Variants in UNC13C observed in about 807,000 individuals in gnomAD.
UNC13C encodes the protein protein unc-13 homolog C.
A neutral mutation model predicts 245.4 loss-of-function variants in UNC13C; 174 were observed. The observed-to-expected ratio is 0.71, with a 90% CI of 0.63 to 0.80. UNC13C has a LOEUF of 0.80. Among genes scored for constraint, UNC13C ranks in the 30% least tolerant of loss-of-function variants. UNC13C has a pLI of 0.00. For synonymous variants in UNC13C, 992 were observed against 895.1 expected, an observed-to-expected ratio of 1.11 and a Z score of -1.93; for missense variants, 2,829 against 2,602.9, an observed-to-expected ratio of 1.09 and a Z score of -1.89.
At chr15:53,983,426 A>G (rs1246672272) in intron 1 of UNC13C, among the ~76,000 whole-genome samples, 3 of 151,990 alleles carry the variant, frequency 2.0e-5, no homozygotes, top group Admixed American at 6.6e-5. Context: ...TTTCCTTGTC[A>G]CTTTCAAAGA....
At chr15:54,300,066 A>G in intron 12 of UNC13C, 144 bp from the exon 13 acceptor site, 1 of 738,590 alleles carries the variant, frequency 1.4e-6, no homozygotes, top group Non-Finnish European at 2.1e-6. Context: ...TAGAATAAAA[A>G]TTCAAGATAT....
intron 1 of UNC13C, among the ~76,000 whole-genome samples, chr15:54,006,728 TTG>T (rs1437687730): frequency 1.3e-5 from 2 of 152,258 alleles, no homozygotes; most frequent in African/African-American, 4.8e-5. Context: ...ATCATCTGCC[TTG>T]TCCCAACTTG....
At chr15:53,938,101 G>A in the UNC13C span, among the ~76,000 whole-genome samples, 5 of 152,104 alleles carry the variant, frequency 3.3e-5, no homozygotes, top group Non-Finnish European at 5.9e-5. Context: ...GCTGGATTAA[G>A]AGCCAAGACC....
rs189572601 is a variant in UNC13C at position 54,257,250 on chromosome 15, A to C, written c.3448+6806A>C. ...GTTTCTTCTCTTTCCTTGCTTAGTA[A>C]AAATATTTTGAAAATTGAGCACATT... On this transcript the variant is annotated intron_variant, in intron 8 of 32. Transcript: ENST00000260323. 1.9e-3 allele frequency among the ~76,000 whole-genome samples: 288 copies of C among 152,310 alleles called. 1 individual carries two copies. Among genetic ancestry groups the C allele is most frequent in the Middle Eastern group, 6.8e-3 (2 of 294 alleles).
intron 30 of UNC13C, among the ~76,000 whole-genome samples, chr15:54,620,785 CA>C (rs34567553): frequency 0.6 from 81,006 of 134,846 alleles, 23,204 homozygotes; most frequent in East Asian, 0.68. Flanking sequence ...GACCCTGTCT[CA>C]AAAAAAAAAA....
rs536658108 is a variant in UNC13C at position 54,062,437 on chromosome 15, C to T, written c.2983+46551C>T. ...CACATTCTAAACTGACATGATTCTT[C>T]TTATCCTAGCCCTAAACTCTCTCAA... On this transcript the variant is annotated intron_variant, in intron 2 of 32. Coordinates refer to ENST00000260323, the MANE Select transcript of UNC13C (RefSeq NM_001080534.3). Among the ~76,000 whole-genome samples the T allele has an allele frequency of 3.4e-4, 52 of 152,012 alleles. 1 individual carries two copies. The highest frequency in any genetic ancestry group is 4.6e-4 in the Admixed American group (7 of 15,258).
chr15:54,060,523 C>T (rs751289113), intron 2 of UNC13C, among the ~76,000 whole-genome samples: 1 of 152,206 alleles, frequency 6.6e-6, no homozygotes, highest in Admixed American at 6.5e-5. Context: ...GTTGGTGGGA[C>T]TGTAAACTAG....
intron 4 of UNC13C, among the ~76,000 whole-genome samples, chr15:54,218,536 T>C (rs1186085332): frequency 6.6e-6 from 1 of 151,816 alleles, no homozygotes; most frequent in Non-Finnish European, 1.5e-5. Flanking sequence ...CTACAAGGAG[T>C]TCAGGATGGC....
intron 15 of UNC13C, among the ~76,000 whole-genome samples, chr15:54,333,532 C>T (rs1409642586): frequency 1.3e-5 from 2 of 151,854 alleles, no homozygotes; most frequent in Non-Finnish European, 2.9e-5. Flanking sequence ...GCATTTATTG[C>T]ATTGTTAGTG....
intron 2 of UNC13C, among the ~76,000 whole-genome samples, chr15:54,043,356 T>G (rs1045267724): frequency 1.3e-5 from 2 of 152,234 alleles, no homozygotes; most frequent in African/African-American, 4.8e-5. Flanking sequence ...TGTCACTTCA[T>G]GTATGCCTTG....
In UNC13C at chr15:54,362,329, G is replaced by T. The variant is rs535799917; in HGVS notation, c.4713+23840G>T. On this transcript the variant is annotated intron_variant, in intron 17 of 32. Transcript: ENST00000260323. Reference sequence around the variant, plus strand: ...TCACCTCAGAACCCACAGGTCTAGGGAAATTCTTTGCAAATGGTGTTATGC... The same window carrying T: ...TCACCTCAGAACCCACAGGTCTAGGTAAATTCTTTGCAAATGGTGTTATGC... 2.6e-5 allele frequency among the ~76,000 whole-genome samples: 4 copies of T among 152,282 alleles called. No homozygotes were observed. The South Asian group carries it at 8.3e-4, about 32-fold the overall frequency.
At chr15:54,486,250 AACACACACACACACAC>A (rs59221050) in intron 19 of UNC13C, among the ~76,000 whole-genome samples, 5 of 132,048 alleles carry the variant, frequency 3.8e-5, no homozygotes, top group African/African-American at 1.1e-4. Flanking sequence ...GATCTATTAA[AACACACACACACACAC>A]ACACACACAC....
intron 2 of UNC13C, among the ~76,000 whole-genome samples, chr15:54,030,687 G>A (rs1014134948): frequency 3.3e-5 from 5 of 152,136 alleles, no homozygotes; most frequent in African/African-American, 1.2e-4. Flanking sequence ...AGTTCCAGAG[G>A]TTGGGAAGTT....
chr15:54,440,873 C>A (rs964657965), intron 19 of UNC13C, among the ~76,000 whole-genome samples: 6 of 151,940 alleles, frequency 3.9e-5, no homozygotes, highest in Non-Finnish European at 8.8e-5. Context: ...AAAATGATAT[C>A]TCATTGTGGT....
intron 2 of UNC13C, among the ~76,000 whole-genome samples, chr15:54,067,794 G>A (rs943429432): frequency 5.3e-5 from 8 of 152,124 alleles, no homozygotes; most frequent in African/African-American, 1.9e-4. Context: ...TGAAGATAAC[G>A]ATCCCTGTGT....
intron 30 of UNC13C, among the ~76,000 whole-genome samples, chr15:54,610,498 A>G (rs1239920823): frequency 6.6e-6 from 1 of 152,166 alleles, no homozygotes; most frequent in Non-Finnish European, 1.5e-5. Flanking sequence ...TAAAAATGTT[A>G]GTCATATGTG....
the UNC13C span, among the ~76,000 whole-genome samples, chr15:53,968,504 G>T: frequency 6.6e-6 from 1 of 152,172 alleles, no homozygotes; most frequent in Non-Finnish European, 1.5e-5. Context: ...GGTGACAAAG[G>T]AAAGGGGGTT....
intron 19 of UNC13C, among the ~76,000 whole-genome samples, chr15:54,424,830 C>G (rs1596356541): frequency 6.6e-6 from 1 of 151,950 alleles, no homozygotes; most frequent in Non-Finnish European, 1.5e-5. Flanking sequence ...TGGAGCACAT[C>G]TTGGAGAGAA....
intron 7 of UNC13C, among the ~76,000 whole-genome samples, chr15:54,246,366 A>T (rs1435109040): frequency 6.6e-6 from 1 of 152,010 alleles, no homozygotes; most frequent in Non-Finnish European, 1.5e-5. Context: ...TAACAGCAAA[A>T]AAAATTGCCT....
Sources: gnomAD v4.1 joint callset for allele counts (sites outside exome capture counted in the v4.1 genomes callset) on GRCh38, gnomAD v4.1.1 for gene constraint, MANE v1.5 for transcripts, NCBI Gene and HGNC (gene_info 2026-07-23, HGNC 2026-07-21) for gene names.